KAT2A: variants seen among roughly 807,000 people sequenced by gnomAD.
KAT2A encodes histone acetyltransferase KAT2A.
In KAT2A, 42 loss-of-function variants were observed where a neutral mutation model predicts 95.2. That is an observed-to-expected ratio of 0.44 (90% CI 0.34 to 0.57). The LOEUF (loss-of-function observed/expected upper bound fraction) is 0.57. KAT2A is among the 20% of genes least tolerant of loss of function. The pLI is 0.01. For missense variants in KAT2A, 784 were observed against 1,126.3 expected (o/e 0.70, Z 4.35); for synonymous variants, 449 against 448.2 (o/e 1.00, Z -0.02).
At chr17:42,120,600 C>T in intron 2 of KAT2A, 106 bp downstream of exon 2, 5 of 1,326,580 alleles carry the variant, frequency 3.8e-6, no homozygotes, top group South Asian at 2.5e-5. Context: ...ATCCCTCCTT[C>T]GAGGCATCTT....
rs2054336676 is a variant in KAT2A, at chr17:42,121,294, G to T, written c.11C>A (p.Pro4His). The change falls in exon 1 of 18, where the codon CCT becomes CAT. Residue 4 changes from proline (P) to histidine (H), a missense_variant. Pro to His is a moderately conservative substitution (Grantham distance 77). Coordinates refer to ENST00000225916, the MANE Select transcript of KAT2A (RefSeq NM_021078.3). MAE[P>H]SQAPTPAPAA... Reference sequence around the variant, plus strand: ...CGGGGCCGGGGTCGGGGCCTGGGAAGGTTCCGCCATGGCCTCCCCCGCAGC... The same window carrying T: ...CGGGGCCGGGGTCGGGGCCTGGGAATGTTCCGCCATGGCCTCCCCCGCAGC... 6 of 1,374,360 alleles carry T rather than the reference G, an allele frequency of 4.4e-6. No homozygotes were observed. The highest frequency in any genetic ancestry group is 5.6e-6 in the Non-Finnish European group (6 of 1,071,566). The allele number at this position is 1,374,360 out of a possible 1,614,324, so 85.1% of individuals were successfully genotyped here. A position where few individuals can be genotyped will look rare whatever the true frequency, so the allele number is the denominator to read the frequency against.
chr17:42,119,750 G>A lies in KAT2A; in HGVS notation c.700-32C>T, dbSNP rs1361759152. On this transcript the variant is annotated intron_variant, in intron 4 of 17. Coordinates refer to ENST00000225916, the MANE Select transcript of KAT2A (RefSeq NM_021078.3). The surrounding 1 kb of genome is among the most constrained non-coding windows in gnomAD (Gnocchi z 5.3). ...AGGGGTGGGTGGGGGATAAAACCAGGAATGAGGTGTGAGCAGCCCGCAGGG... is the reference window on the plus strand; with the variant it reads ...AGGGGTGGGTGGGGGATAAAACCAGAAATGAGGTGTGAGCAGCCCGCAGGG... The A allele has an allele frequency of 2.6e-6, 4 of 1,563,760 alleles. No individual in the cohort carries two copies. Among genetic ancestry groups the A allele is most frequent in the South Asian group, 2.4e-5 (2 of 83,608 alleles).
chr17:42,120,713 G>T lies in KAT2A; in HGVS notation c.456C>A (p.His152Gln). Residue 152 changes from histidine (H) to glutamine (Q), a missense_variant, in exon 2 of 18, where the codon CAC (histidine) becomes CAA (glutamine). Around this residue, in one of 6 missense-constraint regions of KAT2A, gnomAD observed 208 missense variants for 339.7 expected, o/e 0.61. Transcript: ENST00000225916. ...NLSELCRSCEHPLADHVSHLE... is the reference protein window; with the variant it reads ...NLSELCRSCEQPLADHVSHLE... ...GGGCGCTGCCTGCCTTACCCAAGGG[G>T]TGCTCACAACTGCGGCACAGCTCAC... The T allele has an allele frequency of 6.2e-7, 1 of 1,614,064 alleles. No homozygotes were observed. The highest frequency in any genetic ancestry group is 8.5e-7 in the Non-Finnish European group (1 of 1,180,038).
chr17:42,121,356 T>TG lies in KAT2A; in HGVS notation c.-53dup. The TG allele has an allele frequency of 7.4e-7, 1 of 1,349,092 alleles. No homozygotes were observed. Among genetic ancestry groups the TG allele is most frequent in the Non-Finnish European group, 9.5e-7 (1 of 1,056,968 alleles). 83.6% of individuals were successfully genotyped at this position (1,349,092 alleles called of 1,614,324 possible). A position where few individuals can be genotyped will look rare whatever the true frequency, so the allele number is the denominator to read the frequency against. On this transcript the variant is annotated 5_prime_UTR_variant, in exon 1 of 18. Transcript: ENST00000225916. ...CCGCGCTCCCAGCCCTAGGGCCGCA[T>TG]GGGCAACCAGCGCTCAGTGCGCAGG...
In KAT2A at chr17:42,114,294, G is replaced by A. The variant is rs1555665500; in HGVS notation, c.2172-12C>T. ...CCTTCAGCTCCTTCCTGGGGCGAGA[G>A]ACACCAAGTCTGAGGCTCCAAGTCC... On this transcript the variant is annotated splice_polypyrimidine_tract_variant and intron_variant, in intron 15 of 17. Transcript: ENST00000225916. This position sits in a 1 kb window ranked among gnomAD's most constrained non-coding sequence, Gnocchi z 6.0. 1 of 1,612,748 alleles carries A rather than the reference G, an allele frequency of 6.2e-7. No homozygotes were observed. Among genetic ancestry groups the A allele is most frequent in the African/African-American group, 1.3e-5 (1 of 74,860 alleles).
chr17:42,121,204 G>T lies in KAT2A; in HGVS notation c.101C>A (p.Pro34Gln). 1 of 1,358,644 alleles carries T rather than the reference G, an allele frequency of 7.4e-7. No homozygotes were observed. Among genetic ancestry groups the T allele is most frequent in the Non-Finnish European group, 9.8e-7 (1 of 1,023,374 alleles). 84.2% of individuals were successfully genotyped at this position (1,358,644 alleles called of 1,614,324 possible). Residue 34 changes from proline (P) to glutamine (Q), a missense_variant, in exon 1 of 18, where the codon CCG becomes CAG. By Grantham distance (76) the Pro-to-Gln change is moderately conservative. Coordinates refer to ENST00000225916, the MANE Select transcript of KAT2A (RefSeq NM_021078.3). The stretch of plus-strand genomic sequence containing the variant: ...GGGAGTCGGAATCGGGGCTGAAGCC[G>T]GGCTGGGTGCAGGAGTCGGAGTTGG... ...PAPTPTPAPS[P>Q]ASAPIPTPTP...
chr17:42,119,103 G>A lies in KAT2A; in HGVS notation c.1073+142C>T. On this transcript the variant is annotated intron_variant, in intron 6 of 17. Transcript: ENST00000225916. This position sits in a 1 kb window ranked among gnomAD's most constrained non-coding sequence, Gnocchi z 5.3. ...CAAGTTGCTTCTGGGCCATGGGCAA[G>A]TCTGCCAGGTAGACGCCCAGATCCC... 6.7e-7 allele frequency: 1 copy of A among 1,498,606 alleles called. No homozygotes were observed. 92.8% of individuals were successfully genotyped at this position (1,498,606 alleles called of 1,614,324 possible).
At position 42,114,430 on chromosome 17, in the gene KAT2A, T is replaced by C. The variant is rs577830305; in HGVS notation, c.2135-36A>G. 55 of 1,613,750 alleles carry C rather than the reference T, an allele frequency of 3.4e-5. No individual in the cohort carries two copies. Among genetic ancestry groups the C allele is most frequent in the Non-Finnish European group, 4.7e-5 (55 of 1,179,870 alleles). Reference sequence around the variant, plus strand: ...GGAAGTGGGAGAATGTCTCTAAGAATGCCAGTCCACACCCCAAGCATCGTG... The same window carrying C: ...GGAAGTGGGAGAATGTCTCTAAGAACGCCAGTCCACACCCCAAGCATCGTG... On this transcript the variant is annotated intron_variant, in intron 14 of 17. Transcript: ENST00000225916. The surrounding 1 kb of genome is among the most constrained non-coding windows in gnomAD (Gnocchi z 6.0).
rs1214811655 is a variant in KAT2A at position 42,113,667 on chromosome 17, T to A, written c.2496A>T (p.Gly832=). Residue 832 remains glycine (G), a synonymous_variant, in exon 18 of 18, where the codon GGA becomes GGT. Transcript: ENST00000225916. ...EKFFYFKLKE[G]GLIDK ...GATGGGCCTACTTGTCAATGAGGCC[T>A]CCCTCCTTGAGCTTGAAGTAGAAGA... 3.1e-6 allele frequency: 5 copies of A among 1,609,842 alleles called. No individual in the cohort carries two copies. The African/African-American group carries it at 6.7e-5, about 22-fold the overall frequency.
rs763056774 is a variant in KAT2A at position 42,113,336 on chromosome 17, A to G, written c.*313T>C. Reference sequence around the variant, plus strand: ...CCACCTGGGCCAGGCCCAGGAATCCAAGCCTCCAAAGCTCTTGGGGACCAG... The same window carrying G: ...CCACCTGGGCCAGGCCCAGGAATCCGAGCCTCCAAAGCTCTTGGGGACCAG... On this transcript the variant is annotated 3_prime_UTR_variant, in exon 18 of 18. Transcript: ENST00000225916. The G allele has an allele frequency of 2.1e-4, 54 of 259,348 alleles. No homozygotes were observed. Among genetic ancestry groups the G allele is most frequent in the Non-Finnish European group, 3.4e-4 (46 of 136,364 alleles). 16.1% of individuals were successfully genotyped at this position (259,348 alleles called of 1,614,324 possible).
At chr17:42,116,547 G>A (rs2054260908) in intron 11 of KAT2A, among the ~76,000 whole-genome samples, 1 of 151,418 alleles carries the variant, frequency 6.6e-6, no homozygotes, top group South Asian at 2.1e-4. Flanking sequence ...CTGCAACATG[G>A]TGAAACCCTG....
At chr17:42,118,991 CA>C in intron 6 of KAT2A, 2 of 1,297,000 alleles carry the variant, frequency 1.5e-6, no homozygotes, top group Non-Finnish European at 2.0e-6. Flanking sequence ...CCATGGGAAA[CA>C]ATTAGTAACA....
At chr17:42,115,689 C>A (rs1555665833) in intron 12 of KAT2A, 34 bp downstream of exon 12, 1 of 1,372,588 alleles carries the variant, frequency 7.3e-7, no homozygotes, top group East Asian at 2.3e-5. Flanking sequence ...AGCCTCCAGG[C>A]AAAGGACCGG....
chr17:42,114,953 C>T lies in KAT2A; in HGVS notation c.1958G>A (p.Cys653Tyr), dbSNP rs1555665655. 6.2e-7 allele frequency: 1 copy of T among 1,614,048 alleles called. No homozygotes were observed. The highest frequency in any genetic ancestry group is 1.7e-5 in the Admixed American group (1 of 60,006). Residue 653 changes from cysteine to tyrosine, a missense_variant, in exon 13 of 18, where the codon TGT (cysteine) becomes TAT (tyrosine). Cys to Tyr is a radical substitution (Grantham distance 194). Around this residue, in one of 6 missense-constraint regions of KAT2A, gnomAD observed 195 missense variants for 247.1 expected, o/e 0.79. Transcript: ENST00000225916. This position sits in a 1 kb window ranked among gnomAD's most constrained non-coding sequence, Gnocchi z 6.0. ...KDYEGATLME[C>Y]ELNPRIPYTE... is the part of the protein sequence containing the mutation. Reference sequence around the variant, plus strand: ...GTAGGGGATGCGGGGATTCAGCTCACACTCCATCAGCGTCGCTCCCTCGTA... The same window carrying T: ...GTAGGGGATGCGGGGATTCAGCTCATACTCCATCAGCGTCGCTCCCTCGTA...
Position 42,115,041 on chromosome 17 carries a change from G to A in KAT2A, c.1876-6C>T. The A allele has an allele frequency of 6.2e-7, 1 of 1,613,328 alleles. No individual in the cohort carries two copies. The highest frequency in any genetic ancestry group is 1.7e-4 in the Middle Eastern group (1 of 6,054). ...TTGATGTCCTTGGAGAAACCCTGGG[G>A]GGTGGATGGTCATGACCCAGTCCAT... On this transcript the variant is annotated splice_region_variant and splice_polypyrimidine_tract_variant and intron_variant, in intron 12 of 17. Coordinates refer to ENST00000225916, the MANE Select transcript of KAT2A (RefSeq NM_021078.3).
chr17:42,118,282 T>C lies in KAT2A; in HGVS notation c.1180+15A>G, dbSNP rs367599275. 6.4e-7 allele frequency: 1 copy of C among 1,571,478 alleles called. No individual in the cohort carries two copies. The highest frequency in any genetic ancestry group is 8.8e-7 in the Non-Finnish European group (1 of 1,141,300). ...GGCAGGCCAGACACCCTACAGAGCGTACCATGGCACATACCTGGCCGGGGA... is the reference window on the plus strand; with the variant it reads ...GGCAGGCCAGACACCCTACAGAGCGCACCATGGCACATACCTGGCCGGGGA... On this transcript the variant is annotated intron_variant, in intron 7 of 17. Transcript: ENST00000225916.
chr17:42,118,951 G>T, intron 6 of KAT2A: 2 of 1,059,826 alleles, frequency 1.9e-6, no homozygotes, highest in Non-Finnish European at 2.4e-6. Context: ...GAGTTGTGCA[G>T]GGAAGGAGTC....
chr17:42,114,406 G>C lies in KAT2A; in HGVS notation c.2135-12C>G. 6.2e-7 allele frequency: 1 copy of C among 1,614,020 alleles called. No individual in the cohort carries two copies. On this transcript the variant is annotated splice_polypyrimidine_tract_variant and intron_variant, in intron 14 of 17. Transcript: ENST00000225916. This position sits in a 1 kb window ranked among gnomAD's most constrained non-coding sequence, Gnocchi z 6.0. ...CCAGCCTGTCTCTCCTGCAAAGTGG[G>C]AAGTGGGAGAATGTCTCTAAGAATG... is the stretch of plus-strand genomic sequence containing the variant.
Position 42,120,728 on chromosome 17 carries a change from G to A in KAT2A, c.441C>T (p.Cys147=), listed in dbSNP as rs782192530. ...QQPAANLSEL[C]RSCEHPLADH... is the part of the protein sequence containing the mutation. ...TACCCAAGGGGTGCTCACAACTGCG[G>A]CACAGCTCACTCAGGTTGGCAGCTG... Residue 147 remains cysteine (C), a synonymous_variant, in exon 2 of 18, where the codon TGC becomes TGT. Transcript: ENST00000225916. 3.1e-6 allele frequency: 5 copies of A among 1,614,110 alleles called. No homozygotes were observed. The highest frequency in any genetic ancestry group is 1.3e-5 in the African/African-American group (1 of 75,054).
Sources: gnomAD v4.1 joint callset for allele counts (sites outside exome capture counted in the v4.1 genomes callset) on GRCh38, gnomAD v4.1.1 for gene constraint, gnomAD v4.1.1 regional missense constraint, Gnocchi (gnomAD v3.1) non-coding constraint, MANE v1.5 for transcripts, NCBI Gene and HGNC (gene_info 2026-07-23, HGNC 2026-07-21) for gene names.